The following SPHKAP variants were observed in gnomAD, a reference collection of about 807,000 sequenced individuals.
The protein encoded by SPHKAP is SPHK1 interactor, AKAP domain containing.
A neutral mutation model predicts 137.5 loss-of-function variants in SPHKAP; 67 were observed. That is an observed-to-expected ratio of 0.49 (90% CI 0.40 to 0.60). The LOEUF is 0.60. SPHKAP is among the 20% of genes least tolerant of loss of function. SPHKAP has a pLI of 0.00. For missense variants in SPHKAP, 2,097 were observed against 2,069.3 expected (o/e 1.01, Z -0.26); for synonymous variants, 813 against 785.3 (o/e 1.04, Z -0.59).
chr2:228,025,404 T>C lies in SPHKAP; in HGVS notation c.431A>G (p.Glu144Gly), dbSNP rs767895018. Residue 144 changes from glutamate (E) to glycine (G), a missense_variant, in exon 5 of 12, where the codon GAA becomes GGA. Transcript: ENST00000392056. ...GAACTTATGTCTTACCTGTGAAACT[T>C]CAAAATCTGCCTGGAGATTTCCAGA... ...LASGNLQADF[E>G]VSQCPWLPDI... The C allele has an allele frequency of 6.2e-7, 1 of 1,613,804 alleles. No individual in the cohort carries two copies. The highest frequency in any genetic ancestry group is 1.1e-5 in the South Asian group (1 of 91,058).
rs193049440 is a variant in SPHKAP, at chr2:228,024,836, T to A, written c.441+558A>T. On this transcript the variant is annotated intron_variant, in intron 5 of 11. Coordinates refer to ENST00000392056, the MANE Select transcript of SPHKAP (RefSeq NM_001142644.2). ...GTGATTTATATAATAGGAATGAACATGAGTGCACGGAATGATAATAGTAGT... is the reference window on the plus strand; with the variant it reads ...GTGATTTATATAATAGGAATGAACAAGAGTGCACGGAATGATAATAGTAGT... 2.7e-3 allele frequency among the ~76,000 whole-genome samples: 406 copies of A among 152,274 alleles called. 1 individual carries two copies. The highest frequency in any genetic ancestry group is 4.5e-3 in the Non-Finnish European group (308 of 68,008).
At chr2:228,030,221 G>C (rs1013806085) in intron 3 of SPHKAP, among the ~76,000 whole-genome samples, 13 of 152,062 alleles carry the variant, frequency 8.5e-5, no homozygotes, top group African/African-American at 3.1e-4. Context: ...CCTTCTTTAA[G>C]AAATGGAATA....
At chr2:228,003,610 G>A (rs1418328502) in intron 7 of SPHKAP, among the ~76,000 whole-genome samples, 2 of 152,212 alleles carry the variant, frequency 1.3e-5, no homozygotes, top group East Asian at 1.9e-4. Context: ...TTGGATAGGA[G>A]TGGTGAGAAA....
intron 1 of SPHKAP, among the ~76,000 whole-genome samples, chr2:228,174,359 G>C (rs536525961): frequency 6.6e-5 from 10 of 151,620 alleles, no homozygotes; most frequent in Middle Eastern, 3.4e-3. Flanking sequence ...GGTGAAAAAT[G>C]TCTGAAATAA....
At chr2:228,121,701 G>C (rs1698909358) in intron 2 of SPHKAP, among the ~76,000 whole-genome samples, 1 of 152,158 alleles carries the variant, frequency 6.6e-6, no homozygotes, top group East Asian at 1.9e-4. Flanking sequence ...GAGTCTTTCA[G>C]AGTGAGTTCC....
rs1694999297 is a variant in SPHKAP, at chr2:228,025,490, G to C, written c.345C>G (p.Ile115Met). Reference sequence around the variant, plus strand: ...TTGGTTGTTGGACATTCATGGAACTGATAAGTTTTGGAAGATCTGGTGAAA... The same window carrying C: ...TTGGTTGTTGGACATTCATGGAACTCATAAGTTTTGGAAGATCTGGTGAAA... ...VNVSPDLPKL[I>M]SSMNVQQPKE... Residue 115 changes from isoleucine to methionine, a missense_variant, in exon 5 of 12, where the codon ATC (isoleucine) becomes ATG (methionine). Ile to Met is a conservative substitution (Grantham distance 10). Transcript: ENST00000392056. The C allele has an allele frequency of 6.2e-7, 1 of 1,613,774 alleles. No individual in the cohort carries two copies. The highest frequency in any genetic ancestry group is 1.3e-5 in the African/African-American group (1 of 74,914).
At chr2:227,989,304 A>G (rs1338970845) in intron 11 of SPHKAP, among the ~76,000 whole-genome samples, 1 of 152,228 alleles carries the variant, frequency 6.6e-6, no homozygotes, top group East Asian at 1.9e-4. Flanking sequence ...GAAATCGCTC[A>G]TGTACCCGAT....
chr2:228,132,491 T>C (rs1699284909), intron 1 of SPHKAP: 4 of 761,728 alleles, frequency 5.3e-6, no homozygotes, highest in Non-Finnish European at 6.4e-6. Flanking sequence ...AAAATGGAGG[T>C]AAAATATAAT....
At chr2:228,153,053 T>C (rs1259126763) in intron 1 of SPHKAP, among the ~76,000 whole-genome samples, 1 of 152,150 alleles carries the variant, frequency 6.6e-6, no homozygotes, top group East Asian at 1.9e-4. Context: ...TTCTCTCTTG[T>C]CTGCTGCCAT....
At chr2:228,154,530 A>ATATATATATATT (rs1700044292) in intron 1 of SPHKAP, among the ~76,000 whole-genome samples, 1 of 48,444 alleles carries the variant, frequency 2.1e-5, no homozygotes, top group African/African-American at 7.2e-5. Flanking sequence ...ATATATATAT[A>ATATATATATATT]TATTTTTTTT....
chr2:227,993,184 T>C (rs1693481496), intron 9 of SPHKAP, among the ~76,000 whole-genome samples: 1 of 152,198 alleles, frequency 6.6e-6, no homozygotes, highest in African/African-American at 2.4e-5. Context: ...ATTGAAATGA[T>C]TATGTTTTAT....
chr2:228,035,335 G>A (rs919031315), intron 3 of SPHKAP, among the ~76,000 whole-genome samples: 1 of 151,792 alleles, frequency 6.6e-6, no homozygotes, highest in African/African-American at 2.4e-5. Context: ...GGATGTGAAG[G>A]ACCTCTTCAA....
chr2:228,171,651 G>T (rs181989471), intron 1 of SPHKAP, among the ~76,000 whole-genome samples: 68 of 152,202 alleles, frequency 4.5e-4, no homozygotes, highest in African/African-American at 1.5e-3. Context: ...CAACTTCCTG[G>T]TGTACTGGGT....
chr2:227,987,375 G>A (rs573967184), intron 11 of SPHKAP, among the ~76,000 whole-genome samples: 65 of 152,186 alleles, frequency 4.3e-4, no homozygotes, highest in African/African-American at 1.5e-3. Context: ...GCTTCTCTCC[G>A]TTTATATTCT....
intron 3 of SPHKAP, among the ~76,000 whole-genome samples, chr2:228,080,491 G>A (rs925627813): frequency 6.6e-6 from 1 of 152,162 alleles, no homozygotes; most frequent in African/African-American, 2.4e-5. Flanking sequence ...TGGATCAGCT[G>A]AGGTTAAGTG....
intron 1 of SPHKAP, among the ~76,000 whole-genome samples, chr2:228,153,209 C>G (rs965945831): frequency 6.6e-6 from 1 of 152,146 alleles, no homozygotes. Context: ...CTAATGCACC[C>G]TCCTAACTTA....
intron 1 of SPHKAP, among the ~76,000 whole-genome samples, chr2:228,133,123 A>G (rs1437155740): frequency 6.6e-6 from 1 of 151,976 alleles, no homozygotes; most frequent in Non-Finnish European, 1.5e-5. Flanking sequence ...CCTGGGCAAC[A>G]CGGTGAAACT....
intron 3 of SPHKAP, among the ~76,000 whole-genome samples, chr2:228,090,680 T>G (rs1193488397): frequency 6.6e-6 from 1 of 152,160 alleles, no homozygotes; most frequent in African/African-American, 2.4e-5. Context: ...CATCAATGGC[T>G]TAGTGCCAAC....
rs774036837 is a variant in SPHKAP, at chr2:228,018,466, G to A, written c.2388C>T (p.Asp796=). 3 of 1,614,150 alleles carry A rather than the reference G, an allele frequency of 1.9e-6. No individual in the cohort carries two copies. Among genetic ancestry groups the A allele is most frequent in the South Asian group, 1.1e-5 (1 of 91,082 alleles). The change falls in exon 7 of 12, where the codon GAC becomes GAT. Residue 796 remains aspartate, a synonymous_variant. Transcript: ENST00000392056. ...NLVDGMYSKQ[D]KGGVRPGLFK... is the part of the protein sequence containing the mutation. ...AGAGGCCTGGCCTCACTCCACCCTT[G>A]TCTTGTTTTGAATACATGCCATCCA...
Sources: gnomAD v4.1 joint callset for allele counts (sites outside exome capture counted in the v4.1 genomes callset) on GRCh38, gnomAD v4.1.1 for gene constraint, MANE v1.5 for transcripts, NCBI Gene and HGNC (gene_info 2026-07-23, HGNC 2026-07-21) for gene names.